The following CEBPZ variants were observed in gnomAD, a reference collection of about 807,000 sequenced individuals.
CEBPZ encodes CCAAT enhancer binding protein zeta, also known as CCAAT/enhancer-binding protein zeta.
Under a neutral mutation model 104.5 loss-of-function variants are expected in CEBPZ, and 78 were observed. The ratio of observed to expected loss-of-function variants is 0.75; its 90% confidence interval spans 0.62 to 0.90. CEBPZ has a LOEUF of 0.90. Ranked by LOEUF, CEBPZ falls within the 40% of genes least tolerant of loss-of-function variation. CEBPZ has a pLI of 0.00. For missense variants in CEBPZ, 1,439 were observed against 1,233.5 expected (o/e 1.17, Z -2.50); for synonymous variants, 470 against 427.0 (o/e 1.10, Z -1.24).
At position 37,227,700 on chromosome 2, in the gene CEBPZ, T is replaced by A; in HGVS notation, c.1493A>T (p.Gln498Leu). ...TGVNRAYPYS[Q>L]TGDDKVREQI... ...CTCCCTTACTTTGTCATCACCAGTC[T>A]GGGAATAAGGGTATGCCCTATTCAC... Residue 498 changes from glutamine (Q) to leucine (L), a missense_variant, in exon 2 of 16, where the codon CAG (glutamine) becomes CTG (leucine). Physicochemically the swap from Gln to Leu is moderately radical, Grantham distance 113. Coordinates refer to ENST00000234170, the MANE Select transcript of CEBPZ (RefSeq NM_005760.3). 1 of 1,614,218 alleles carries A rather than the reference T, an allele frequency of 6.2e-7. No individual in the cohort carries two copies.
At chr2:37,214,636 A>C (rs1677825870) in intron 9 of CEBPZ, among the ~76,000 whole-genome samples, 1 of 152,206 alleles carries the variant, frequency 6.6e-6, no homozygotes, top group South Asian at 2.1e-4. Context: ...AAGATTAGCA[A>C]AATGACGGAT....
chr2:37,208,591 A>G (rs554117186), intron 13 of CEBPZ, among the ~76,000 whole-genome samples: 16 of 152,326 alleles, frequency 1.1e-4, no homozygotes, highest in South Asian at 6.2e-4. Flanking sequence ...AAAATCAAGC[A>G]TCCTTTATGA....
In CEBPZ at chr2:37,207,655, C is replaced by T. The variant is rs556289247; in HGVS notation, c.2884+3344G>A. Among the ~76,000 whole-genome samples the T allele has an allele frequency of 3.3e-5, 5 of 152,240 alleles. No homozygotes were observed. The South Asian group carries it at 6.2e-4, about 19-fold the overall frequency. ...CCTCTGGGATACAGCAAAAGCGGCACTACATTTAGTAAGTTCACAGCATTA... is the reference window on the plus strand; with the variant it reads ...CCTCTGGGATACAGCAAAAGCGGCATTACATTTAGTAAGTTCACAGCATTA... On this transcript the variant is annotated intron_variant, in intron 13 of 15. Transcript: ENST00000234170.
rs1466403372 is a variant in CEBPZ, at chr2:37,228,083, A to G, written c.1110T>C (p.His370=). Residue 370 remains histidine (H), a synonymous_variant, in exon 2 of 16, where the codon CAT becomes CAC. Transcript: ENST00000234170. Reference sequence around the variant, plus strand: ...CCTCAGGCTTGTTACAAAGCAGCTCATGAGCCACGGTAAGGGCTCGAGTTT... The same window carrying G: ...CCTCAGGCTTGTTACAAAGCAGCTCGTGAGCCACGGTAAGGGCTCGAGTTT... ...TTKTRALTVA[H]ELLCNKPEEE... is the part of the protein sequence containing the mutation. The G allele has an allele frequency of 6.8e-6, 11 of 1,614,156 alleles. No individual in the cohort carries two copies. In the South Asian group the frequency reaches 1.1e-4, roughly 16 times the overall value.
chr2:37,225,471 A>T (rs966381836), intron 2 of CEBPZ, among the ~76,000 whole-genome samples: 2 of 147,402 alleles, frequency 1.4e-5, no homozygotes, highest in African/African-American at 5.0e-5. Flanking sequence ...GCTCTCTGAA[A>T]CATGTGCTGT....
chr2:37,205,627 C>T lies in CEBPZ; in HGVS notation c.2885-2619G>A, dbSNP rs113939692. Among the ~76,000 whole-genome samples the T allele has an allele frequency of 3.0e-3, 451 of 152,276 alleles. 3 individuals are homozygous for T. The highest frequency in any genetic ancestry group is 0.01 in the African/African-American group (420 of 41,550). On this transcript the variant is annotated intron_variant, in intron 13 of 15. Transcript: ENST00000234170. The stretch of plus-strand genomic sequence containing the variant: ...CTGTTTGGTGGTCTCTTCATACAGA[C>T]GCGCATGAAACTTTTTAAAACATTA...
rs751118408 is a variant in CEBPZ, at chr2:37,222,584, T to C, written c.1882-21A>G. The C allele has an allele frequency of 4.5e-5, 68 of 1,499,334 alleles. 1 individual carries two copies. In the South Asian group the frequency reaches 6.4e-4, roughly 14 times the overall value. The allele number at this position is 1,499,334 out of a possible 1,614,324, so 92.9% of individuals were successfully genotyped here. On this transcript the variant is annotated intron_variant, in intron 3 of 15. Coordinates refer to ENST00000234170, the MANE Select transcript of CEBPZ (RefSeq NM_005760.3). The stretch of plus-strand genomic sequence containing the variant: ...GACTCCTAACAAAAGTATAGTTTCA[T>C]AAATCTACATAAATCAACTGGAAGT...
intron 5 of CEBPZ, 53 bp downstream of exon 5, chr2:37,220,326 AAAATAT>A: frequency 1.7e-6 from 1 of 571,856 alleles, no homozygotes; most frequent in Non-Finnish European, 2.6e-6. Flanking sequence ...AAAAAAAAAA[AAAATAT>A]ATATATATAT....
chr2:37,228,647 T>C lies in CEBPZ; in HGVS notation c.546A>G (p.Lys182=), dbSNP rs1664952389. The change falls in exon 2 of 16, where the codon AAA becomes AAG. Residue 182 remains lysine, a synonymous_variant. Transcript: ENST00000234170. ...CATTGCTGTACTCCAGATCATACCA[T>C]TTGCCTCCAGGCCTAAGTAACAAAG... The part of the protein sequence containing the change: ...RQTLLLRPGG[K]WYDLEYSNEY... 2.5e-6 allele frequency: 4 copies of C among 1,614,076 alleles called. No individual in the cohort carries two copies. In the South Asian group the frequency reaches 4.4e-5, roughly 18 times the overall value.
chr2:37,216,977 G>C lies in CEBPZ; in HGVS notation c.2208+7C>G, dbSNP rs1664608277. ...ATTTCTCATCTTTGGATTTATTTTAGACTCACCTGAAGGATGGTCTTTGCA... is the reference window on the plus strand; with the variant it reads ...ATTTCTCATCTTTGGATTTATTTTACACTCACCTGAAGGATGGTCTTTGCA... On this transcript the variant is annotated splice_region_variant and intron_variant, in intron 6 of 15. Coordinates refer to ENST00000234170, the MANE Select transcript of CEBPZ (RefSeq NM_005760.3). 2 of 1,605,664 alleles carry C rather than the reference G, an allele frequency of 1.2e-6. No individual in the cohort carries two copies. Among genetic ancestry groups the C allele is most frequent in the African/African-American group, 2.7e-5 (2 of 74,588 alleles).
In CEBPZ at chr2:37,228,606, G is replaced by T. The variant is rs746456928; in HGVS notation, c.587C>A (p.Pro196His). The T allele has an allele frequency of 1.2e-6, 2 of 1,613,992 alleles. No homozygotes were observed. The highest frequency in any genetic ancestry group is 1.7e-5 in the Admixed American group (1 of 59,990). ...LEYSNEYSLK[P>H]QPQDVVSKYK... is the part of the protein sequence containing the mutation. ...CTTAGATACAACATCCTGAGGCTGG[G>T]GTTTCAAAGAATATTCATTGCTGTA... The change falls in exon 2 of 16, where the codon CCC (proline) becomes CAC (histidine). Residue 196 changes from proline to histidine, a missense_variant. Pro to His is a moderately conservative substitution (Grantham distance 77). Transcript: ENST00000234170.
At chr2:37,203,071 T>C (rs1246913690) in intron 13 of CEBPZ, 63 bp from the exon 14 acceptor site, 4 of 1,102,594 alleles carry the variant, frequency 3.6e-6, no homozygotes, top group Non-Finnish European at 5.2e-6. Context: ...AAAAATGCAA[T>C]GCAACATGAT....
chr2:37,220,398 C>T lies in CEBPZ; in HGVS notation c.2141G>A (p.Trp714Ter). Reference sequence around the variant, plus strand: ...AAATTATTTTACCTTTTTGAGTTCCCAAAGACTTGTATTTTCAGCTCCACA... The same window carrying T: ...AAATTATTTTACCTTTTTGAGTTCCTAAAGACTTGTATTTTCAGCTCCACA... ...LFCGAENTSL[W>*]ELKKLSVHFH... The change falls in exon 5 of 16, where the codon TGG (tryptophan) becomes TAG (stop). Residue 714 changes from tryptophan to a stop codon, truncating the protein, a stop_gained. Coordinates refer to ENST00000234170, the MANE Select transcript of CEBPZ (RefSeq NM_005760.3). LOFTEE classifies it high-confidence loss of function. 2 of 1,571,160 alleles carry T rather than the reference C, an allele frequency of 1.3e-6. No individual in the cohort carries two copies. Among genetic ancestry groups the T allele is most frequent in the Non-Finnish European group, 1.7e-6 (2 of 1,150,020 alleles).
chr2:37,212,285 A>G (rs998859972), intron 11 of CEBPZ, 50 bp downstream of exon 11: 2 of 1,524,064 alleles, frequency 1.3e-6, no homozygotes, highest in Non-Finnish European at 1.8e-6. Context: ...GAGGGACAAC[A>G]ATTTGGGAAA....
At chr2:37,218,250 G>A (rs190398792) in intron 5 of CEBPZ, among the ~76,000 whole-genome samples, 22 of 151,036 alleles carry the variant, frequency 1.5e-4, no homozygotes, top group African/African-American at 5.3e-4. Context: ...CTGGGCGACA[G>A]AGCAAGACTC....
In CEBPZ at chr2:37,222,488, C is replaced by G. The variant is rs1404272210; in HGVS notation, c.1957G>C (p.Glu653Gln). ...DMEKFTDADKETEIVKKLETE... is the reference protein window; with the variant it reads ...DMEKFTDADKQTEIVKKLETE... ...TCAAGTTTTTTCACTATCTCTGTTT[C>G]TTTGTCTGCATCAGTGAATTTTTCC... The change falls in exon 4 of 16, where the codon GAA becomes CAA. Residue 653 changes from glutamate (E) to glutamine (Q), a missense_variant. Coordinates refer to ENST00000234170, the MANE Select transcript of CEBPZ (RefSeq NM_005760.3). The G allele has an allele frequency of 6.2e-7, 1 of 1,611,328 alleles. No individual in the cohort carries two copies. The highest frequency in any genetic ancestry group is 8.5e-7 in the Non-Finnish European group (1 of 1,179,254).
In CEBPZ at chr2:37,217,115, G is replaced by T. The variant is rs1254680094; in HGVS notation, c.2155-78C>A. 1.9e-5 allele frequency: 24 copies of T among 1,282,254 alleles called. No individual in the cohort carries two copies. The East Asian group carries it at 4.5e-4, about 24-fold the overall frequency. 79.4% of individuals were successfully genotyped at this position (1,282,254 alleles called of 1,614,324 possible). A position where few individuals can be genotyped will look rare whatever the true frequency, so the allele number is the denominator to read the frequency against. On this transcript the variant is annotated intron_variant, in intron 5 of 15. Transcript: ENST00000234170. The stretch of plus-strand genomic sequence containing the variant: ...CATTTATAGCTTATTTAAGAAAATC[G>T]GGCTGGGTGTGGTGGCTCACACCTG...
chr2:37,206,369 T>C (rs1372704482), intron 13 of CEBPZ, among the ~76,000 whole-genome samples: 3 of 152,214 alleles, frequency 2.0e-5, no homozygotes, highest in African/African-American at 4.8e-5. Flanking sequence ...TTTTTGTTTC[T>C]TTTTTTGAGA....
In CEBPZ at chr2:37,228,567, G is replaced by A; in HGVS notation, c.626C>T (p.Ala209Val). ...QDVVSKYKTL[A>V]QKLYQHEINL... is the part of the protein sequence containing the mutation. ...GATTTCATGCTGATACAGCTTCTGA[G>A]CAAGGGTTTTGTACTTAGATACAAC... The change falls in exon 2 of 16, where the codon GCT becomes GTT. Residue 209 changes from alanine to valine, a missense_variant. Ala to Val is a moderately conservative substitution (Grantham distance 64). Coordinates refer to ENST00000234170, the MANE Select transcript of CEBPZ (RefSeq NM_005760.3). The A allele has an allele frequency of 6.2e-7, 1 of 1,614,186 alleles. No homozygotes were observed. The highest frequency in any genetic ancestry group is 8.5e-7 in the Non-Finnish European group (1 of 1,180,028).
Sources: gnomAD v4.1 joint callset for allele counts (sites outside exome capture counted in the v4.1 genomes callset) on GRCh38, gnomAD v4.1.1 for gene constraint, MANE v1.5 for transcripts, NCBI Gene and HGNC (gene_info 2026-07-23, HGNC 2026-07-21) for gene names.